Variants in FDPS observed in about 807,000 individuals in gnomAD.
FDPS encodes farnesyl diphosphate synthase.
Under a neutral mutation model 49.5 loss-of-function variants are expected in FDPS, and 29 were observed. The ratio of observed to expected loss-of-function variants is 0.59; its 90% CI spans 0.44 to 0.80. FDPS has a LOEUF of 0.80. FDPS is among the 30% of genes least tolerant of loss of function. The pLI is 0.00. For missense variants in FDPS, 414 were observed against 525.6 expected (o/e 0.79, Z 2.08); for synonymous variants, 172 against 206.4 (o/e 0.83, Z 1.43).
At chr1:155,315,694 A>G (rs758228950) in intron 4 of FDPS, among the ~76,000 whole-genome samples, 44 of 150,960 alleles carry the variant, frequency 2.9e-4, no homozygotes, top group Admixed American at 9.2e-4. Context: ...AAAAAAAAAC[A>G]AAAAACAAAA....
At chr1:155,317,756 A>G in intron 4 of FDPS, 185 bp from the exon 5 acceptor site, 1 of 558,918 alleles carries the variant, frequency 1.8e-6, no homozygotes, top group South Asian at 2.2e-5. Flanking sequence ...AAGTGGGAGG[A>G]TCACTTGAGC....
chr1:155,310,213 A>G lies in FDPS; in HGVS notation c.339+8A>G. ...ATTGCCCGGCTCAAGGAGGTGAGGG[A>G]TTCATGACTTGGGGGAGTAAGGCTT... On this transcript the variant is annotated splice_region_variant and intron_variant, in intron 3 of 10. Transcript: ENST00000368356. 6.2e-7 allele frequency: 1 copy of G among 1,612,970 alleles called. No individual in the cohort carries two copies. The highest frequency in any genetic ancestry group is 1.3e-5 in the African/African-American group (1 of 74,932).
intron 3 of FDPS, 108 bp downstream of exon 3, chr1:155,310,313 CTTTT>C: frequency 2.3e-5 from 16 of 698,692 alleles, no homozygotes; most frequent in Admixed American, 3.2e-5. Flanking sequence ...TGAGAGAAAG[CTTTT>C]TTTTTTTTTT....
intron 4 of FDPS, among the ~76,000 whole-genome samples, chr1:155,315,513 A>C (rs1006808643): frequency 1.3e-5 from 2 of 152,084 alleles, no homozygotes; most frequent in Non-Finnish European, 2.9e-5. Context: ...CCCCGTCTCT[A>C]CTAAGAATAC....
intron 8 of FDPS, 105 bp downstream of exon 8, chr1:155,319,033 G>T (rs958275145): frequency 2.4e-6 from 2 of 830,220 alleles, no homozygotes. Flanking sequence ...GAAAAACTGT[G>T]TGACCTTGAG....
chr1:155,318,485 G>T lies in FDPS; in HGVS notation c.685-180G>T. ...GCTTCTCTGTCCTGTGTAATTGGAAGAAAGGGTGATAAAGGACTGTGTGTA... is the reference window on the plus strand; with the variant it reads ...GCTTCTCTGTCCTGTGTAATTGGAATAAAGGGTGATAAAGGACTGTGTGTA... On this transcript the variant is annotated intron_variant, in intron 6 of 10. Transcript: ENST00000368356. The surrounding 1 kb of genome is among the most constrained non-coding windows in gnomAD (Gnocchi z 4.2). 3 of 826,922 alleles carry T rather than the reference G, an allele frequency of 3.6e-6. No homozygotes were observed. The highest frequency in any genetic ancestry group is 5.9e-6 in the Non-Finnish European group (3 of 511,068). 51.2% of individuals were successfully genotyped at this position (826,922 alleles called of 1,614,324 possible). A position where few individuals can be genotyped will look rare whatever the true frequency, so the allele number is the denominator to read the frequency against.
chr1:155,315,107 G>A (rs1649185545), intron 4 of FDPS, among the ~76,000 whole-genome samples: 1 of 152,206 alleles, frequency 6.6e-6, no homozygotes, highest in Admixed American at 6.5e-5. Flanking sequence ...CTCCTTCCCT[G>A]AGGACCCTGC....
In FDPS at chr1:155,318,285, C is replaced by T; in HGVS notation, c.678C>T (p.Phe226=). 6.2e-7 allele frequency: 1 copy of T among 1,611,526 alleles called. No homozygotes were observed. The highest frequency in any genetic ancestry group is 8.5e-7 in the Non-Finnish European group (1 of 1,180,008). Residue 226 remains phenylalanine, a synonymous_variant, in exon 6 of 11, where the codon TTC becomes TTT. Coordinates refer to ENST00000368356, the MANE Select transcript of FDPS (RefSeq NM_002004.4). This position sits in a 1 kb window ranked among gnomAD's most constrained non-coding sequence, Gnocchi z 4.2. The part of the protein sequence containing the change: ...QPYYLNLIEL[F]LQSSYQTEIG... ...ATTACCTGAACCTGATCGAGCTCTT[C>T]CTGCAGGTGTATTGCAGACAGGGCC...
chr1:155,311,857 C>T (rs1377453315), intron 3 of FDPS, among the ~76,000 whole-genome samples: 2 of 152,000 alleles, frequency 1.3e-5, no homozygotes, highest in Non-Finnish European at 2.9e-5. Context: ...CCTGTAATCC[C>T]AGCTACTCGA....
At chr1:155,314,825 G>T (rs753188617) in intron 4 of FDPS, among the ~76,000 whole-genome samples, 22 of 151,502 alleles carry the variant, frequency 1.5e-4, no homozygotes, top group Non-Finnish European at 2.2e-4. Context: ...AAGTGCTGGT[G>T]GGGTTAAGAA....
chr1:155,320,546 A>G lies in FDPS; in HGVS notation c.1197A>G (p.Ala399=), dbSNP rs919118652. ...TTATGGCTCTCATTGAACAGTACGC[A>G]GCACCCCTGCCCCCAGCCGTCTTTC... ...SHIMALIEQY[A]APLPPAVFLG... Residue 399 remains alanine, a synonymous_variant, in exon 11 of 11, where the codon GCA becomes GCG. Transcript: ENST00000368356. The G allele has an allele frequency of 2.5e-6, 4 of 1,614,088 alleles. No individual in the cohort carries two copies. Among genetic ancestry groups the G allele is most frequent in the Non-Finnish European group, 3.4e-6 (4 of 1,180,046 alleles).
chr1:155,310,313 CTT>C (rs35556344), intron 3 of FDPS, 108 bp downstream of exon 3: 5,254 of 684,426 alleles, frequency 7.7e-3, no homozygotes, highest in South Asian at 8.8e-3. Flanking sequence ...TGAGAGAAAG[CTT>C]TTTTTTTTTT....
chr1:155,310,313 C>CTTTTT, intron 3 of FDPS, 108 bp downstream of exon 3: 2 of 698,818 alleles, frequency 2.9e-6, no homozygotes, highest in South Asian at 2.0e-5. Flanking sequence ...TGAGAGAAAG[C>CTTTTT]TTTTTTTTTT....
Position 155,319,822 on chromosome 1 carries a change from C to G in FDPS, c.953C>G (p.Pro318Arg), listed in dbSNP as rs753868548. 6.2e-7 allele frequency: 1 copy of G among 1,614,134 alleles called. No homozygotes were observed. Among genetic ancestry groups the G allele is most frequent in the East Asian group, 2.2e-5 (1 of 44,884 alleles). ...QDDYLDLFGDPSVTGKIGTDI... is the reference protein window; with the variant it reads ...QDDYLDLFGDRSVTGKIGTDI... ...GATTACCTTGACCTCTTTGGGGACC[C>G]CAGTGTGACCGGCAAAATTGGCACT... The change falls in exon 10 of 11, where the codon CCC (proline) becomes CGC (arginine). Residue 318 changes from proline to arginine, a missense_variant. Pro to Arg is a moderately radical substitution (Grantham distance 103, BLOSUM62 -2). Coordinates refer to ENST00000368356, the MANE Select transcript of FDPS (RefSeq NM_002004.4).
chr1:155,317,769 G>A, intron 4 of FDPS, 172 bp from the exon 5 acceptor site: 3 of 575,054 alleles, frequency 5.2e-6, no homozygotes, highest in South Asian at 2.2e-5. Context: ...ACTTGAGCCT[G>A]GGAGTTAGAG....
intron 4 of FDPS, 21 bp downstream of exon 4, chr1:155,312,416 GAGA>G (rs753971608): frequency 1.2e-5 from 19 of 1,592,954 alleles, no homozygotes; most frequent in Admixed American, 6.7e-5. Context: ...TAGGGCAAGG[GAGA>G]AGAAGTTTCC....
In FDPS at chr1:155,310,095, G is replaced by A. The variant is rs1369999276; in HGVS notation, c.229G>A (p.Ala77Thr). Reference protein sequence around the residue: ...MNGDQNSDVYAQEKQDFVQHF... With the variant: ...MNGDQNSDVYTQEKQDFVQHF... The stretch of plus-strand genomic sequence containing the variant: ...CGGAGACCAGAATTCAGATGTTTAT[G>A]CCCAAGAAAAGCAGGATTTCGTTCA... Residue 77 changes from alanine to threonine, a missense_variant, in exon 3 of 11, where the codon GCC (alanine) becomes ACC (threonine). Coordinates refer to ENST00000368356, the MANE Select transcript of FDPS (RefSeq NM_002004.4). The A allele has an allele frequency of 1.2e-6, 2 of 1,614,058 alleles. No individual in the cohort carries two copies. The highest frequency in any genetic ancestry group is 8.5e-7 in the Non-Finnish European group (1 of 1,179,960).
intron 4 of FDPS, chr1:155,317,484 A>C (rs1649589506): frequency 6.4e-6 from 1 of 157,420 alleles, no homozygotes; most frequent in Non-Finnish European, 1.4e-5. Flanking sequence ...AAGTCTCCAT[A>C]GCACAGAAGT....
At position 155,320,516 on chromosome 1, in the gene FDPS, C is replaced by A; in HGVS notation, c.1167C>A (p.Ser389Arg). Residue 389 changes from serine (S) to arginine (R), a missense_variant, in exon 11 of 11, where the codon AGC becomes AGA. Ser to Arg is a moderately radical substitution (Grantham distance 110). Transcript: ENST00000368356. ...VFLQYEEDSYSHIMALIEQYA... is the reference protein window; with the variant it reads ...VFLQYEEDSYRHIMALIEQYA... ...TGCAATATGAGGAAGACAGTTACAG[C>A]CACATTATGGCTCTCATTGAACAGT... The A allele has an allele frequency of 1.2e-6, 2 of 1,614,088 alleles. No homozygotes were observed. The highest frequency in any genetic ancestry group is 1.7e-6 in the Non-Finnish European group (2 of 1,180,030).
Sources: allele counts gnomAD v4.1 joint callset (sites outside exome capture counted in the v4.1 genomes callset), GRCh38; gene constraint gnomAD v4.1.1; non-coding constraint Gnocchi (gnomAD v3.1); transcripts MANE v1.5; gene names NCBI Gene and HGNC (gene_info 2026-07-23, HGNC 2026-07-21).